Variants in GPM6A observed in about 807,000 individuals in gnomAD.
The protein encoded by GPM6A is neuronal membrane glycoprotein M6-a.
A neutral mutation model predicts 32.1 loss-of-function variants in GPM6A; 7 were observed. The ratio of observed to expected loss-of-function variants is 0.22; its 90% CI spans 0.12 to 0.41. The LOEUF (loss-of-function observed/expected upper bound fraction) is 0.41, where lower values mean the gene tolerates loss of function less well. GPM6A is among the 10% of genes least tolerant of loss of function. The probability of loss-of-function intolerance (pLI) is 1.00; values close to 1 mark genes in which losing one functional copy is unlikely to be tolerated. For missense variants in GPM6A, 235 were observed against 347.2 expected (o/e 0.68, Z 2.57); for synonymous variants, 130 against 123.4 (o/e 1.05, Z -0.35).
intron 1 of GPM6A, among the ~76,000 whole-genome samples, chr4:175,842,307 G>T (rs1735961719): frequency 6.6e-6 from 1 of 152,034 alleles, no homozygotes; most frequent in Non-Finnish European, 1.5e-5. Flanking sequence ...GATTTTAAAG[G>T]TGTTACTATG....
intron 2 of GPM6A, among the ~76,000 whole-genome samples, chr4:175,674,727 C>T (rs560926643): frequency 8.6e-5 from 13 of 151,332 alleles, no homozygotes; most frequent in East Asian, 7.7e-4. Flanking sequence ...AATGATAATG[C>T]GAATAATGAA....
intron 1 of GPM6A, among the ~76,000 whole-genome samples, chr4:175,974,336 G>A (rs1043834321): frequency 2.0e-5 from 3 of 150,992 alleles, no homozygotes; most frequent in Non-Finnish European, 4.4e-5. Flanking sequence ...CTTCCTAAAT[G>A]CCTTGTTTGT....
chr4:175,941,109 A>G (rs1739390876), intron 1 of GPM6A, among the ~76,000 whole-genome samples: 1 of 152,224 alleles, frequency 6.6e-6, no homozygotes, highest in Non-Finnish European at 1.5e-5. Flanking sequence ...CAGACTTTCA[A>G]CACAGGGAAT....
At chr4:175,714,445 G>C (rs2111099684) in intron 1 of GPM6A, among the ~76,000 whole-genome samples, 1 of 152,184 alleles carries the variant, frequency 6.6e-6, no homozygotes, top group African/African-American at 2.4e-5. Flanking sequence ...GTGCAGTGGT[G>C]TGATCGTAGC....
chr4:175,812,277 A>C (rs2111332141), upstream of GPM6A: 4 of 1,285,558 alleles, frequency 3.1e-6, no homozygotes, highest in African/African-American at 1.7e-5. Flanking sequence ...TCAAAAGCTC[A>C]ATTAGATGTT....
Position 175,917,254 on chromosome 4 carries a change from G to A in GPM6A, c.-23+85055C>T, listed in dbSNP as rs545860051. Among the ~76,000 whole-genome samples, 5 of 151,986 alleles carry A rather than the reference G, an allele frequency of 3.3e-5. 1 individual carries two copies. The South Asian group carries it at 1.0e-3, about 32-fold the overall frequency. The stretch of plus-strand genomic sequence containing the variant: ...ACCCTCCTCCCTCCACACAATCACA[G>A]TTTTGTTTTGTTTTTTTTTAATCTT... On this transcript the variant is annotated intron_variant, in intron 1 of 7. Transcript: ENST00000280187.
intron 1 of GPM6A, among the ~76,000 whole-genome samples, chr4:175,843,188 A>C (rs921896412): frequency 6.6e-6 from 1 of 152,168 alleles, no homozygotes; most frequent in African/African-American, 2.4e-5. Context: ...CAAAAAGAAG[A>C]AGCAGGATTT....
intron 1 of GPM6A, among the ~76,000 whole-genome samples, chr4:175,728,370 C>T (rs1226751237): frequency 6.6e-6 from 1 of 152,064 alleles, no homozygotes; most frequent in African/African-American, 2.4e-5. Flanking sequence ...TCGAACATAT[C>T]TTTGTCAGAT....
chr4:175,972,776 T>G (rs1740547093), intron 1 of GPM6A, among the ~76,000 whole-genome samples: 1 of 152,196 alleles, frequency 6.6e-6, no homozygotes, highest in Admixed American at 6.5e-5. Flanking sequence ...TTATGCAAAG[T>G]TTCCTTTCTT....
chr4:175,863,429 G>C (rs1168108624), intron 1 of GPM6A, among the ~76,000 whole-genome samples: 1 of 151,520 alleles, frequency 6.6e-6, no homozygotes, highest in Admixed American at 6.6e-5. Context: ...CTTTTTATTG[G>C]TGAATAGTAT....
intron 1 of GPM6A, among the ~76,000 whole-genome samples, chr4:175,880,662 G>A (rs1440846156): frequency 1.3e-5 from 2 of 152,138 alleles, no homozygotes; most frequent in African/African-American, 4.8e-5. Context: ...GTGAATGGGA[G>A]TTCACTCATG....
chr4:175,933,569 A>C (rs1203399363), intron 1 of GPM6A, among the ~76,000 whole-genome samples: 1 of 61,126 alleles, frequency 1.6e-5, no homozygotes, highest in East Asian at 5.7e-4. Flanking sequence ...AGTTCTTAGA[A>C]GTTTTTGTTT....
At chr4:175,637,698 T>TAA (rs1491184948) in intron 6 of GPM6A, among the ~76,000 whole-genome samples, 4 of 1,790 alleles carry the variant, frequency 2.2e-3, no homozygotes, top group East Asian at 0.015. Flanking sequence ...ATATAATATA[T>TAA]TATATATTAT....
At position 175,867,149 on chromosome 4, in the gene GPM6A, G is replaced by A. The variant is rs567416629; in HGVS notation, c.-22-54900C>T. On this transcript the variant is annotated intron_variant, in intron 1 of 7. Transcript: ENST00000280187. ...TTTTAAGAGTCCTTGGTGTATTTCA[G>A]GTAACAGTCATTGGATATATCATTT... 7.2e-5 allele frequency among the ~76,000 whole-genome samples: 11 copies of A among 152,188 alleles called. No homozygotes were observed. In the South Asian group the frequency reaches 1.9e-3, roughly 26 times the overall value.
chr4:175,906,878 T>A (rs1329491305), intron 1 of GPM6A: 1 of 152,072 alleles, frequency 6.6e-6, no homozygotes, highest in Non-Finnish European at 1.5e-5. Context: ...TGAAGAGCAT[T>A]TATGACATCA....
At chr4:175,956,771 T>G (rs1002948874) in intron 1 of GPM6A, among the ~76,000 whole-genome samples, 3 of 151,954 alleles carry the variant, frequency 2.0e-5, no homozygotes, top group African/African-American at 7.3e-5. Flanking sequence ...TTAATGTAAT[T>G]TTAATCCCAA....
intron 1 of GPM6A, among the ~76,000 whole-genome samples, chr4:175,859,059 G>A (rs937185895): frequency 6.6e-5 from 10 of 152,126 alleles, no homozygotes; most frequent in Admixed American, 5.2e-4. Context: ...TGATTGCCTG[G>A]GGATGGAAGG....
intron 1 of GPM6A, among the ~76,000 whole-genome samples, chr4:175,804,543 G>A (rs1194612968): frequency 2.6e-5 from 4 of 152,124 alleles, no homozygotes; most frequent in Admixed American, 2.6e-4. Context: ...TTAAAAAGCT[G>A]TAATCAATAT....
chr4:175,750,889 CCTAA>C (rs1046396045), intron 1 of GPM6A, among the ~76,000 whole-genome samples: 6 of 152,192 alleles, frequency 3.9e-5, no homozygotes, highest in African/African-American at 1.4e-4. Context: ...ACTACAGCCT[CCTAA>C]CTAAAGCTTT....
Sources: gnomAD v4.1 joint callset for allele counts (sites outside exome capture counted in the v4.1 genomes callset) on GRCh38, gnomAD v4.1.1 for gene constraint, MANE v1.5 for transcripts, NCBI Gene and HGNC (gene_info 2026-07-23, HGNC 2026-07-21) for gene names.